Variants in CADPS observed in about 807,000 individuals in gnomAD.
CADPS encodes calcium-dependent secretion activator 1.
Under a neutral mutation model 167.3 loss-of-function variants are expected in CADPS, and 57 were observed. The ratio of observed to expected loss-of-function variants is 0.34; its 90% CI spans 0.28 to 0.42. The LOEUF (loss-of-function observed/expected upper bound fraction) is 0.42. CADPS is among the 20% of genes least tolerant of loss of function. The pLI is 1.00. For missense variants in CADPS, 1,414 were observed against 1,738.1 expected, an observed-to-expected ratio of 0.81 and a Z score of 3.32; for synonymous variants, 676 against 635.3, an observed-to-expected ratio of 1.06 and a Z score of -0.96.
chr3:62,466,687 C>G (rs1013916556), intron 24 of CADPS: 2 of 441,474 alleles, frequency 4.5e-6, no homozygotes, highest in Non-Finnish European at 8.3e-6. Flanking sequence ...ACAAATAGCA[C>G]ACATGAATGA....
chr3:62,516,469 T>G, intron 15 of CADPS, 111 bp downstream of exon 15: 1 of 881,656 alleles, frequency 1.1e-6, no homozygotes. Context: ...TGATGAATGG[T>G]AAACAAATCC....
intron 28 of CADPS, among the ~76,000 whole-genome samples, chr3:62,424,434 C>A (rs901981994): frequency 6.6e-6 from 1 of 152,106 alleles, no homozygotes; most frequent in Non-Finnish European, 1.5e-5. Flanking sequence ...TTGCCTGCCT[C>A]GGCCTCCCAA....
intron 6 of CADPS, among the ~76,000 whole-genome samples, chr3:62,632,871 G>C (rs1251941752): frequency 1.3e-5 from 2 of 151,970 alleles, no homozygotes; most frequent in African/African-American, 2.4e-5. Flanking sequence ...AACAAATTTG[G>C]TACAGCTGTA....
chr3:62,475,748 A>G (rs947492041), intron 23 of CADPS, among the ~76,000 whole-genome samples: 3 of 152,196 alleles, frequency 2.0e-5, no homozygotes, highest in African/African-American at 7.2e-5. Context: ...AGCTACGCTG[A>G]AAATACATCA....
intron 17 of CADPS, among the ~76,000 whole-genome samples, chr3:62,502,921 C>T (rs1249947034): frequency 1.3e-5 from 2 of 152,084 alleles, no homozygotes; most frequent in African/African-American, 4.8e-5. Context: ...AGATGACAAA[C>T]TCTGAAAAGA....
At chr3:62,585,805 T>C (rs1048425116) in intron 7 of CADPS, among the ~76,000 whole-genome samples, 2 of 152,218 alleles carry the variant, frequency 1.3e-5, no homozygotes, top group Non-Finnish European at 2.9e-5. Context: ...GGATGAGAAA[T>C]GTGAGACTCA....
At chr3:62,819,805 C>G (rs2094813514) in intron 1 of CADPS, among the ~76,000 whole-genome samples, 1 of 152,120 alleles carries the variant, frequency 6.6e-6, no homozygotes, top group Non-Finnish European at 1.5e-5. Context: ...TTCCTGGGAA[C>G]AATAAGTACT....
chr3:62,819,158 T>G (rs1289588787), intron 1 of CADPS, among the ~76,000 whole-genome samples: 1 of 152,110 alleles, frequency 6.6e-6, no homozygotes, highest in African/African-American at 2.4e-5. Context: ...ACACTTAAGA[T>G]CTGTTTGTTT....
chr3:62,655,442 C>T (rs1328119618), intron 4 of CADPS, among the ~76,000 whole-genome samples: 1 of 152,168 alleles, frequency 6.6e-6, no homozygotes, highest in African/African-American at 2.4e-5. Context: ...CTCTGTTGGC[C>T]ATTTATTTTT....
At position 62,446,032 on chromosome 3, in the gene CADPS, A is replaced by T. The variant is rs2057167949; in HGVS notation, c.3637-235T>A. Among the ~76,000 whole-genome samples, 1 of 152,214 alleles carries T rather than the reference A, an allele frequency of 6.6e-6. No individual in the cohort carries two copies. Among genetic ancestry groups the T allele is most frequent in the East Asian group, 1.9e-4 (1 of 5,198 alleles). On this transcript the variant is annotated intron_variant, in intron 26 of 29. Transcript: ENST00000383710. The surrounding 1 kb of genome is among the most constrained non-coding windows in gnomAD (Gnocchi z 4.9). ...TTACTGATTCAGATTCTGTTGCTGGAGCGGGAGCTTTACATTTTCCTCCCT... is the reference window on the plus strand; with the variant it reads ...TTACTGATTCAGATTCTGTTGCTGGTGCGGGAGCTTTACATTTTCCTCCCT...
chr3:62,832,155 T>C lies in CADPS; in HGVS notation c.441+42434A>G, dbSNP rs192590564. Among the ~76,000 whole-genome samples the C allele has an allele frequency of 2.7e-3, 414 of 152,326 alleles. 2 individuals carry two copies. The highest frequency in any genetic ancestry group is 5.8e-3 in the Admixed American group (89 of 15,294). On this transcript the variant is annotated intron_variant, in intron 1 of 29. Coordinates refer to ENST00000383710, the MANE Select transcript of CADPS (RefSeq NM_003716.4). ...AACCAACACAGGAGGGTGAGAGTAATTCTGAATGGGTTTGTCAGGGCTGGT... is the reference window on the plus strand; with the variant it reads ...AACCAACACAGGAGGGTGAGAGTAACTCTGAATGGGTTTGTCAGGGCTGGT...
intron 3 of CADPS, 77 bp from the exon 4 acceptor site, chr3:62,662,471 C>A: frequency 8.5e-7 from 1 of 1,177,160 alleles, no homozygotes; most frequent in Non-Finnish European, 1.3e-6. Context: ...CCATTTTATA[C>A]CCCCTTGCAC....
At chr3:62,655,423 C>CA (rs1386903947) in intron 4 of CADPS, among the ~76,000 whole-genome samples, 1 of 152,096 alleles carries the variant, frequency 6.6e-6, no homozygotes, top group Non-Finnish European at 1.5e-5. Context: ...CAAAGTCCTC[C>CA]AAAAAAATCT....
intron 1 of CADPS, among the ~76,000 whole-genome samples, chr3:62,860,050 T>C (rs1188123293): frequency 1.3e-5 from 2 of 152,162 alleles, no homozygotes; most frequent in Admixed American, 1.3e-4. Context: ...TAACATTCAG[T>C]GTTTACCGCT....
chr3:62,824,963 A>G (rs1390224744), intron 1 of CADPS, among the ~76,000 whole-genome samples: 6 of 152,110 alleles, frequency 3.9e-5, no homozygotes, highest in Non-Finnish European at 5.9e-5. Context: ...ACATACCAAC[A>G]CACACATACA....
Position 62,715,753 on chromosome 3 carries a change from C to CTTT in CADPS, c.888+37685_888+37687dup, listed in dbSNP as rs71123291. Reference sequence around the variant, plus strand: ...ATTTCAATTTATAATGATTATAAATCTTTTTTTTTTTTTTTTTTTTTGAGA... The same window carrying CTTT: ...ATTTCAATTTATAATGATTATAAATCTTTTTTTTTTTTTTTTTTTTTTTTGAGA... On this transcript the variant is annotated intron_variant, in intron 3 of 29. Transcript: ENST00000383710. Among the ~76,000 whole-genome samples the CTTT allele has an allele frequency of 1.8e-3, 165 of 89,684 alleles. 9 individuals carry two copies. The highest frequency in any genetic ancestry group is 4.6e-3 in the African/African-American group (111 of 24,128). 58.8% of individuals were successfully genotyped at this position (89,684 alleles called of 152,430 possible). A position where few individuals can be genotyped will look rare whatever the true frequency, so the allele number is the denominator to read the frequency against.
intron 10 of CADPS, among the ~76,000 whole-genome samples, chr3:62,552,146 C>A (rs1329523941): frequency 6.9e-6 from 1 of 143,958 alleles, no homozygotes; most frequent in Admixed American, 7.4e-5. Context: ...GCGAGAAGTG[C>A]ATGTTCTCAC....
At chr3:62,853,939 G>C (rs545478543) in intron 1 of CADPS, among the ~76,000 whole-genome samples, 1 of 152,264 alleles carries the variant, frequency 6.6e-6, no homozygotes, top group African/African-American at 2.4e-5. Context: ...CTGGGCGACA[G>C]ACAGTAAGCC....
intron 6 of CADPS, among the ~76,000 whole-genome samples, chr3:62,593,022 T>C (rs1416797829): frequency 6.6e-6 from 1 of 152,220 alleles, no homozygotes; most frequent in East Asian, 1.9e-4. Context: ...TGGTGAGAAC[T>C]TGTTCCCATG....
Sources: gnomAD v4.1 joint callset for allele counts (sites outside exome capture counted in the v4.1 genomes callset) on GRCh38, gnomAD v4.1.1 for gene constraint, Gnocchi (gnomAD v3.1) non-coding constraint, MANE v1.5 for transcripts, NCBI Gene and HGNC (gene_info 2026-07-23, HGNC 2026-07-21) for gene names.